Variants in NPAS3 observed in about 807,000 individuals in gnomAD.
NPAS3 encodes the protein neuronal PAS domain-containing protein 3.
NPAS3 carries 14 observed loss-of-function variants against 73.1 expected under a neutral mutation model. The observed-to-expected ratio is 0.19, with a 90% CI of 0.13 to 0.30. The LOEUF is 0.30. NPAS3 is among the 10% of genes least tolerant of loss of function. The pLI, the probability that NPAS3 is intolerant of heterozygous loss-of-function variation, is 1.00. For synonymous variants in NPAS3, 620 were observed against 541.5 expected (o/e 1.14, Z -2.01); for missense variants, 1,096 against 1,250.0 (o/e 0.88, Z 1.86).
intron 3 of NPAS3, among the ~76,000 whole-genome samples, chr14:33,234,786 C>T (rs965867329): frequency 6.6e-6 from 1 of 152,084 alleles, no homozygotes; most frequent in East Asian, 1.9e-4. Flanking sequence ...ACAGTAAATT[C>T]CAGTAGACTT....
intron 1 of NPAS3, among the ~76,000 whole-genome samples, chr14:33,049,440 A>T (rs2138478783): frequency 6.6e-6 from 1 of 152,328 alleles, no homozygotes; most frequent in South Asian, 2.1e-4. Context: ...ATGGCTGGGG[A>T]AGCCTCACAA....
intron 1 of NPAS3, among the ~76,000 whole-genome samples, chr14:33,010,079 C>T (rs2039137758): frequency 6.6e-6 from 1 of 152,134 alleles, no homozygotes; most frequent in Admixed American, 6.5e-5. Context: ...AAACAGTAGA[C>T]ATTCAATAAA....
intron 3 of NPAS3, among the ~76,000 whole-genome samples, chr14:33,289,803 C>T (rs189742248): frequency 1.4e-5 from 2 of 144,352 alleles, no homozygotes; most frequent in East Asian, 4.1e-4. Flanking sequence ...GACTGGGCAA[C>T]AGAGCAAGAC....
chr14:33,645,136 A>AT (rs1348124529), intron 5 of NPAS3, among the ~76,000 whole-genome samples: 2 of 152,134 alleles, frequency 1.3e-5, no homozygotes, highest in African/African-American at 4.8e-5. Flanking sequence ...ACAAAACCAC[A>AT]ATGACTAAGA....
intron 1 of NPAS3, among the ~76,000 whole-genome samples, chr14:33,015,784 A>G (rs373986898): frequency 1.3e-5 from 2 of 152,224 alleles, no homozygotes; most frequent in East Asian, 3.8e-4. Context: ...ACCTACGGGC[A>G]GTAAAATTGT....
intron 6 of NPAS3, among the ~76,000 whole-genome samples, chr14:33,692,154 A>C (rs1175868684): frequency 6.6e-6 from 1 of 152,210 alleles, no homozygotes; most frequent in Non-Finnish European, 1.5e-5. Context: ...ATGTGAGCGC[A>C]GGCAATGCCC....
At chr14:33,801,307 G>A (rs2063710539), downstream of NPAS3, 2 of 1,173,798 alleles carry the variant, frequency 1.7e-6, no homozygotes, top group South Asian at 1.7e-5. Flanking sequence ...TTTGCCTTCA[G>A]AGGGTCAGAC....
At chr14:33,620,098 G>A (rs919646599) in intron 5 of NPAS3, among the ~76,000 whole-genome samples, 1 of 152,156 alleles carries the variant, frequency 6.6e-6, no homozygotes, top group Non-Finnish European at 1.5e-5. Flanking sequence ...TGGATGTGCT[G>A]CAGTGAAATG....
intron 4 of NPAS3, among the ~76,000 whole-genome samples, chr14:33,498,749 G>A (rs746765567): frequency 8.1e-4 from 123 of 152,036 alleles, no homozygotes; most frequent in Non-Finnish European, 1.4e-3. Flanking sequence ...ATGGGTTGAT[G>A]GGTGCAGCAA....
At chr14:33,084,584 T>A (rs1024825263) in intron 2 of NPAS3, among the ~76,000 whole-genome samples, 11 of 152,128 alleles carry the variant, frequency 7.2e-5, no homozygotes, top group African/African-American at 2.4e-4. Context: ...ATAAAAATAA[T>A]GAAAATTTCC....
chr14:33,693,994 G>C (rs1003375633), intron 6 of NPAS3, among the ~76,000 whole-genome samples: 1 of 152,054 alleles, frequency 6.6e-6, no homozygotes, highest in East Asian at 1.9e-4. Flanking sequence ...TTCCTCAGGG[G>C]TCATGTTCAC....
chr14:33,368,095 A>G (rs139743622), intron 4 of NPAS3, among the ~76,000 whole-genome samples: 1,650 of 152,138 alleles, frequency 0.011, 21 homozygotes, highest in Non-Finnish European at 0.014. Flanking sequence ...AGTTTGGGAT[A>G]TGTAGGCCGC....
intron 3 of NPAS3, among the ~76,000 whole-genome samples, chr14:33,256,045 T>C (rs533689364): frequency 1.3e-5 from 2 of 152,334 alleles, no homozygotes; most frequent in South Asian, 2.1e-4. Context: ...TTTCCTGTTT[T>C]GTTAGAATAA....
In NPAS3 at chr14:33,590,160, T is replaced by C. The variant is rs76198587; in HGVS notation, c.558+29950T>C. ...ATGAGCAGAAAATTCCTCAGTATAT[T>C]ATTTGCTATGTAAAAAAAGGCAGAA... On this transcript the variant is annotated intron_variant, in intron 5 of 11. Transcript: ENST00000356141. 0.015 allele frequency among the ~76,000 whole-genome samples: 2,296 copies of C among 152,246 alleles called. 110 individuals are homozygous for C. In the East Asian group the frequency reaches 0.19, roughly 13 times the overall value.
intron 4 of NPAS3, among the ~76,000 whole-genome samples, chr14:33,403,757 T>C (rs901412441): frequency 6.6e-6 from 1 of 152,092 alleles, no homozygotes. Flanking sequence ...GAATGAACTA[T>C]TATTGTGGCC....
chr14:33,349,995 C>T (rs112221902), intron 3 of NPAS3, among the ~76,000 whole-genome samples: 11 of 152,338 alleles, frequency 7.2e-5, no homozygotes, highest in African/African-American at 2.4e-4. Flanking sequence ...AGCACGAAGC[C>T]AGTGTTTACT....
chr14:33,449,987 G>C (rs1404208948), intron 4 of NPAS3, among the ~76,000 whole-genome samples: 1 of 152,194 alleles, frequency 6.6e-6, no homozygotes, highest in African/African-American at 2.4e-5. Flanking sequence ...TGAGTTTTCT[G>C]ATGCCTAAAT....
intron 3 of NPAS3, among the ~76,000 whole-genome samples, chr14:33,337,004 G>A (rs560632548): frequency 1.3e-5 from 2 of 152,214 alleles, no homozygotes; most frequent in South Asian, 4.1e-4. Context: ...TATATGATTA[G>A]CAAATATTTT....
chr14:33,168,176 C>A (rs879820650), intron 2 of NPAS3, among the ~76,000 whole-genome samples: 1 of 152,160 alleles, frequency 6.6e-6, no homozygotes, highest in Admixed American at 6.5e-5. Flanking sequence ...GAGGTGCTCA[C>A]CTGGAGCACA....
Sources: gnomAD v4.1 joint callset for allele counts (sites outside exome capture counted in the v4.1 genomes callset) on GRCh38, gnomAD v4.1.1 for gene constraint, MANE v1.5 for transcripts, NCBI Gene and HGNC (gene_info 2026-07-23, HGNC 2026-07-21) for gene names.